Variants in CNTNAP5 observed in about 807,000 individuals in gnomAD.
CNTNAP5 encodes contactin-associated protein-like 5.
In CNTNAP5, 72 loss-of-function variants were observed where a neutral mutation model predicts 150.2. The observed-to-expected ratio is 0.48, with a 90% CI of 0.40 to 0.58. The LOEUF is 0.58. CNTNAP5 is among the 20% of genes least tolerant of loss of function. The pLI, the probability that CNTNAP5 is intolerant of heterozygous loss-of-function variation, is 0.00. For missense variants in CNTNAP5, 1,636 were observed against 1,626.2 expected (o/e 1.01, Z -0.10); for synonymous variants, 672 against 619.8 (o/e 1.08, Z -1.25).
In CNTNAP5 at chr2:124,919,688, A is replaced by G. The variant is rs946001014; in HGVS notation, c.*5400A>G. Among the ~76,000 whole-genome samples the G allele has an allele frequency of 6.6e-6, 1 of 151,868 alleles. No homozygotes were observed. Among genetic ancestry groups the G allele is most frequent in the Non-Finnish European group, 1.5e-5 (1 of 67,950 alleles). The stretch of plus-strand genomic sequence containing the variant: ...AGGCAATATCATGGGCTTTGCATGA[A>G]TAATTCTTTACTCACATTTGCATGA... On this transcript the variant is annotated 3_prime_UTR_variant, in exon 24 of 24. Transcript: ENST00000682447.
intron 12 of CNTNAP5, among the ~76,000 whole-genome samples, chr2:124,626,286 G>C (rs910556652): frequency 2.0e-5 from 3 of 152,266 alleles, no homozygotes; most frequent in African/African-American, 7.2e-5. Context: ...AAGGGGCCGA[G>C]ATGGCAGAAA....
chr2:124,704,497 A>G (rs1322626615), intron 13 of CNTNAP5, among the ~76,000 whole-genome samples: 1 of 152,252 alleles, frequency 6.6e-6, no homozygotes, highest in Non-Finnish European at 1.5e-5. Flanking sequence ...AAGGAAAAAT[A>G]GAATAGTATG....
chr2:124,592,761 T>C (rs1268471000), intron 11 of CNTNAP5, among the ~76,000 whole-genome samples: 2 of 152,116 alleles, frequency 1.3e-5, no homozygotes, highest in Non-Finnish European at 2.9e-5. Flanking sequence ...TTTATTTTTC[T>C]ATGAGTCTCC....
intron 12 of CNTNAP5, among the ~76,000 whole-genome samples, chr2:124,629,814 T>C (rs1343723184): frequency 7.2e-6 from 1 of 139,054 alleles, no homozygotes; most frequent in South Asian, 2.3e-4. Flanking sequence ...ATAGATAGAC[T>C]GCTAGCAAGA....
At chr2:124,064,432 C>T (rs1682101556) in intron 1 of CNTNAP5, among the ~76,000 whole-genome samples, 1 of 151,992 alleles carries the variant, frequency 6.6e-6, no homozygotes, top group Non-Finnish European at 1.5e-5. Context: ...ATTCCATGAC[C>T]TTTATACATC....
intron 5 of CNTNAP5, among the ~76,000 whole-genome samples, chr2:124,443,139 A>C (rs1692718313): frequency 6.6e-6 from 1 of 151,900 alleles, no homozygotes; most frequent in Admixed American, 6.6e-5. Flanking sequence ...GTATCTCAAC[A>C]GTTTTAAAGA....
intron 16 of CNTNAP5, among the ~76,000 whole-genome samples, chr2:124,771,016 T>G (rs921668370): frequency 6.6e-6 from 1 of 152,164 alleles, no homozygotes; most frequent in Admixed American, 6.5e-5. Flanking sequence ...TTACTACCTT[T>G]CCTTTAGGCC....
intron 3 of CNTNAP5, among the ~76,000 whole-genome samples, chr2:124,399,215 A>G (rs1346354271): frequency 6.6e-6 from 1 of 152,198 alleles, no homozygotes; most frequent in African/African-American, 2.4e-5. Flanking sequence ...TCACCTAAGA[A>G]AAGAAAAGGA....
chr2:124,327,998 G>A (rs919205824), intron 3 of CNTNAP5, among the ~76,000 whole-genome samples: 10 of 152,120 alleles, frequency 6.6e-5, no homozygotes, highest in African/African-American at 1.9e-4. Flanking sequence ...AAAAGAAATA[G>A]AGCAGGGATT....
At chr2:124,913,811 C>T (rs1347467604) in intron 23 of CNTNAP5, among the ~76,000 whole-genome samples, 5 of 151,978 alleles carry the variant, frequency 3.3e-5, no homozygotes, top group Admixed American at 2.6e-4. Flanking sequence ...AGTCCAATTC[C>T]ATATGTATAA....
intron 11 of CNTNAP5, among the ~76,000 whole-genome samples, chr2:124,576,369 G>A (rs912644337): frequency 7.9e-5 from 12 of 152,120 alleles, no homozygotes; most frequent in African/African-American, 9.6e-5. Flanking sequence ...TTTTGCTGTC[G>A]TGATGCCTGG....
intron 6 of CNTNAP5, among the ~76,000 whole-genome samples, chr2:124,459,824 G>C (rs1177123482): frequency 6.6e-6 from 1 of 151,536 alleles, no homozygotes; most frequent in Non-Finnish European, 1.5e-5. Flanking sequence ...CCCATGTTGT[G>C]GTCATCTAAC....
intron 3 of CNTNAP5, among the ~76,000 whole-genome samples, chr2:124,306,147 A>G (rs941985556): frequency 2.6e-5 from 4 of 152,174 alleles, no homozygotes; most frequent in African/African-American, 9.7e-5. Context: ...TGGTTAGTTT[A>G]TCTAGCTTGT....
At chr2:124,608,950 A>C (rs995402229) in intron 11 of CNTNAP5, among the ~76,000 whole-genome samples, 6 of 152,018 alleles carry the variant, frequency 3.9e-5, no homozygotes, top group Admixed American at 3.3e-4. Context: ...CTCAAGAAAA[A>C]AAAAAAAAGA....
intron 11 of CNTNAP5, among the ~76,000 whole-genome samples, chr2:124,597,176 C>G (rs1440798108): frequency 6.8e-6 from 1 of 147,446 alleles, no homozygotes; most frequent in Non-Finnish European, 1.5e-5. Flanking sequence ...TGAATTTGAT[C>G]CTGTCATTAT....
At chr2:124,037,744 A>T (rs2104628038) in intron 1 of CNTNAP5, among the ~76,000 whole-genome samples, 1 of 152,308 alleles carries the variant, frequency 6.6e-6, no homozygotes, top group East Asian at 1.9e-4. Context: ...AGGCGGAATA[A>T]GTTCTAGAGA....
intron 12 of CNTNAP5, among the ~76,000 whole-genome samples, chr2:124,630,586 A>T (rs558482825): frequency 6.6e-6 from 1 of 152,168 alleles, no homozygotes; most frequent in Admixed American, 6.5e-5. Context: ...AAATAATAAG[A>T]ACCATTTATG....
chr2:124,511,237 C>T (rs1694581835), intron 8 of CNTNAP5, among the ~76,000 whole-genome samples: 1 of 152,184 alleles, frequency 6.6e-6, no homozygotes. Flanking sequence ...TTTTGAATGT[C>T]ATATGAAATC....
chr2:124,629,951 A>AAAAAAAAAC (rs1422707257), intron 12 of CNTNAP5, among the ~76,000 whole-genome samples: 1 of 148,792 alleles, frequency 6.7e-6, no homozygotes, highest in Non-Finnish European at 1.5e-5. Context: ...AAAAAAAAAA[A>AAAAAAAAAC]AAAACTGGAA....
Sources: gnomAD v4.1 joint callset for allele counts (sites outside exome capture counted in the v4.1 genomes callset) on GRCh38, gnomAD v4.1.1 for gene constraint, MANE v1.5 for transcripts, NCBI Gene and HGNC (gene_info 2026-07-23, HGNC 2026-07-21) for gene names.